COL5A1: variants seen among roughly 807,000 people sequenced by gnomAD.
COL5A1 encodes the protein collagen type V alpha 1 chain, also known as collagen alpha-1(V) chain.
Under a neutral mutation model 263.7 loss-of-function variants are expected in COL5A1, and 16 were observed. That is an observed-to-expected ratio of 0.06 (90% CI 0.04 to 0.09). The LOEUF is 0.09. Ranked by LOEUF, COL5A1 falls within the 10% of genes least tolerant of loss-of-function variation. COL5A1 has a pLI of 1.00. For synonymous variants in COL5A1, 1,012 were observed against 1,004.5 expected (o/e 1.01, Z -0.14); for missense variants, 2,036 against 2,540.5 (o/e 0.80, Z 4.27).
chr9:134,783,641 T>G (rs1317947570), intron 29 of COL5A1, among the ~76,000 whole-genome samples: 3 of 152,134 alleles, frequency 2.0e-5, no homozygotes, highest in African/African-American at 7.2e-5. Context: ...GTCATCCCCC[T>G]GCAGCACCGG....
intron 4 of COL5A1, among the ~76,000 whole-genome samples, chr9:134,705,608 G>A (rs944486039): frequency 2.0e-5 from 3 of 152,244 alleles, no homozygotes; most frequent in Non-Finnish European, 2.9e-5. Context: ...CAACGCTGTC[G>A]GATTTTGGGT....
intron 11 of COL5A1, 57 bp downstream of exon 11, chr9:134,738,865 C>A: frequency 7.2e-7 from 1 of 1,382,358 alleles, no homozygotes; most frequent in Non-Finnish European, 1.0e-6. Context: ...GCCCACGCCT[C>A]CTCTCCACAC....
chr9:134,663,090 C>A (rs1832257824), intron 1 of COL5A1, among the ~76,000 whole-genome samples: 1 of 152,236 alleles, frequency 6.6e-6, no homozygotes, highest in Non-Finnish European at 1.5e-5. Context: ...AGACCATGTT[C>A]TCAAAATGAA....
In COL5A1 at chr9:134,754,324, C is replaced by G; in HGVS notation, c.1825C>G (p.Arg609Gly). ...TGGTCCGGCCGGGAAGCCCGGAAGA[C>G]GGGTGAGTGGTGCGAGTGTGTGTGG... ...PPGPAGKPGR[R>G]GRAGSDGARG... The change falls in exon 16 of 66, where the codon CGG becomes GGG. Residue 609 changes from arginine (R) to glycine (G), a missense_variant and splice_region_variant. Around this residue, in one of 3 missense-constraint regions of COL5A1, gnomAD observed 1,078 missense variants for 1,521.4 expected, o/e 0.71. Coordinates refer to ENST00000371817, the MANE Select transcript of COL5A1 (RefSeq NM_000093.5). The surrounding 1 kb of genome is among the most constrained non-coding windows in gnomAD (Gnocchi z 4.3). 6.2e-7 allele frequency: 1 copy of G among 1,614,036 alleles called. No individual in the cohort carries two copies.
In COL5A1 at chr9:134,767,029, A is replaced by G; in HGVS notation, c.2163A>G (p.Gly721=). Residue 721 remains glycine (G), a synonymous_variant, in exon 23 of 66, where the codon GGA becomes GGG. Coordinates refer to ENST00000371817, the MANE Select transcript of COL5A1 (RefSeq NM_000093.5). Reference sequence around the variant, plus strand: ...CCCAGGGAGAGCCTGGCCCCCCAGGACAGCAGGGTAATCCAGGCGCCCAGG... The same window carrying G: ...CCCAGGGAGAGCCTGGCCCCCCAGGGCAGCAGGGTAATCCAGGCGCCCAGG... The part of the protein sequence containing the change: ...VGPQGEPGPP[G]QQGNPGAQGL... 1 of 1,613,726 alleles carries G rather than the reference A, an allele frequency of 6.2e-7. No individual in the cohort carries two copies. Among genetic ancestry groups the G allele is most frequent in the Non-Finnish European group, 8.5e-7 (1 of 1,179,938 alleles).
chr9:134,769,553 C>T (rs557829661), intron 25 of COL5A1, among the ~76,000 whole-genome samples: 2 of 152,350 alleles, frequency 1.3e-5, no homozygotes, highest in South Asian at 4.1e-4. Flanking sequence ...TTGATCTCAT[C>T]TCCTGATTTA....
rs118098812 is a variant in COL5A1, at chr9:134,745,035, T to C, written c.1495-5507T>C. On this transcript the variant is annotated intron_variant, in intron 11 of 65. Transcript: ENST00000371817. Reference sequence around the variant, plus strand: ...TGTGCCCGAATCCCCAGCAGCCTGGTCGTGAATGACTTCTGGCCATTTCGA... The same window carrying C: ...TGTGCCCGAATCCCCAGCAGCCTGGCCGTGAATGACTTCTGGCCATTTCGA... Among the ~76,000 whole-genome samples, 893 of 152,304 alleles carry C rather than the reference T, an allele frequency of 5.9e-3. 3 individuals are homozygous for C. The highest frequency in any genetic ancestry group is 9.3e-3 in the Non-Finnish European group (631 of 68,028).
chr9:134,791,158 C>G (rs914684632), intron 32 of COL5A1, among the ~76,000 whole-genome samples: 1 of 152,222 alleles, frequency 6.6e-6, no homozygotes, highest in African/African-American at 2.4e-5. Flanking sequence ...GCACCACATG[C>G]CCCAGTCACA....
At chr9:134,826,727 TGGGTGTGTACATGGTGTTC>T (rs1839287259) in intron 63 of COL5A1, among the ~76,000 whole-genome samples, 1 of 148,718 alleles carries the variant, frequency 6.7e-6, no homozygotes, top group Non-Finnish European at 1.5e-5. Flanking sequence ...GGGTGGTGTG[TGGGTGTGTACATGGTGTTC>T]GGGTGTGTGT....
At chr9:134,730,202 C>T (rs1834826743) in intron 6 of COL5A1, 34 bp from the exon 7 acceptor site, 11 of 1,610,652 alleles carry the variant, frequency 6.8e-6, no homozygotes, top group Admixed American at 1.7e-5. Context: ...CGGCCTCCGC[C>T]CTGACTCCAG....
chr9:134,657,566 T>G (rs1337710274), intron 1 of COL5A1, among the ~76,000 whole-genome samples: 1 of 50,142 alleles, frequency 2.0e-5, no homozygotes. Flanking sequence ...GGGGGTGGTG[T>G]AGGGGGTGTA....
intron 4 of COL5A1, among the ~76,000 whole-genome samples, chr9:134,704,496 C>T (rs993972120): frequency 6.6e-6 from 1 of 152,216 alleles, no homozygotes; most frequent in Non-Finnish European, 1.5e-5. Flanking sequence ...GTGCAGGTCT[C>T]ACTCTGCAGC....
rs570292090 is a variant in COL5A1 at position 134,765,842 on chromosome 9, C to G, written c.2088+108C>G. 21 of 870,776 alleles carry G rather than the reference C, an allele frequency of 2.4e-5. 1 individual carries two copies. Among genetic ancestry groups the G allele is most frequent in the South Asian group, 1.1e-4 (7 of 61,954 alleles). 53.9% of individuals were successfully genotyped at this position (870,776 alleles called of 1,614,324 possible). Reference sequence around the variant, plus strand: ...TGGGGCAGCAAGTCCGTGCTGGCCCCTCTGGCGCCTGCCTGCTGCCAGTGT... The same window carrying G: ...TGGGGCAGCAAGTCCGTGCTGGCCCGTCTGGCGCCTGCCTGCTGCCAGTGT... On this transcript the variant is annotated intron_variant, in intron 21 of 65. Coordinates refer to ENST00000371817, the MANE Select transcript of COL5A1 (RefSeq NM_000093.5). This position sits in a 1 kb window ranked among gnomAD's most constrained non-coding sequence, Gnocchi z 5.1.
rs5901049 is a variant in COL5A1 at position 134,687,415 on chromosome 9, T to TCATCCATCCATC, written c.110-3464_110-3453dup. ...AGGACACCTGCTATTCTCTGGGACT[T>TCATCCATCCATC]CATCCATCCATCCATCCATCCATCC... On this transcript the variant is annotated intron_variant, in intron 1 of 65. Transcript: ENST00000371817. Among the ~76,000 whole-genome samples, 5 of 147,830 alleles carry TCATCCATCCATC rather than the reference T, an allele frequency of 3.4e-5. No homozygotes were observed. The East Asian group carries it at 6.1e-4, about 18-fold the overall frequency.
intron 27 of COL5A1, among the ~76,000 whole-genome samples, chr9:134,775,866 C>T (rs1837033874): frequency 6.6e-6 from 1 of 152,196 alleles, no homozygotes; most frequent in African/African-American, 2.4e-5. Flanking sequence ...AACATTGTTG[C>T]ACATCAGAAG....
intron 2 of COL5A1, chr9:134,691,755 C>G (rs1378604891): frequency 6.5e-6 from 1 of 153,078 alleles, no homozygotes; most frequent in Admixed American, 6.5e-5. Context: ...GACCCAGCCA[C>G]TTGCTCATGG....
At position 134,642,250 on chromosome 9, in the gene COL5A1, C is replaced by A; in HGVS notation, c.63C>A (p.Pro21=). 6 of 1,278,594 alleles carry A rather than the reference C, an allele frequency of 4.7e-6. No individual in the cohort carries two copies. Among genetic ancestry groups the A allele is most frequent in the South Asian group, 2.4e-5 (1 of 41,418 alleles). The allele number at this position is 1,278,594 out of a possible 1,614,324, so 79.2% of individuals were successfully genotyped here. ...TCCGCCCGGGCGCCCCGCTGCTGCCCCCGCTGCTGCTGCTGCTGCTGTGGG... is the reference window on the plus strand; with the variant it reads ...TCCGCCCGGGCGCCCCGCTGCTGCCACCGCTGCTGCTGCTGCTGCTGTGGG... The part of the protein sequence containing the change: ...SALRPGAPLL[P]PLLLLLLWAP... Residue 21 remains proline, a synonymous_variant, in exon 1 of 66, where the codon CCC becomes CCA. Coordinates refer to ENST00000371817, the MANE Select transcript of COL5A1 (RefSeq NM_000093.5). The surrounding 1 kb of genome is among the most constrained non-coding windows in gnomAD (Gnocchi z 4.5).
At chr9:134,727,864 G>T (rs988334151) in intron 5 of COL5A1, among the ~76,000 whole-genome samples, 30 of 152,144 alleles carry the variant, frequency 2.0e-4, no homozygotes, top group Non-Finnish European at 5.9e-5. Flanking sequence ...TGACACCTTT[G>T]TCCCTCTTCC....
rs1588488564 is a variant in COL5A1 at position 134,738,734 on chromosome 9, T to A, written c.1432-12T>A. The A allele has an allele frequency of 6.2e-7, 1 of 1,611,708 alleles. No homozygotes were observed. Among genetic ancestry groups the A allele is most frequent in the East Asian group, 2.2e-5 (1 of 44,842 alleles). On this transcript the variant is annotated splice_polypyrimidine_tract_variant and intron_variant, in intron 10 of 65. Coordinates refer to ENST00000371817, the MANE Select transcript of COL5A1 (RefSeq NM_000093.5). ...CATCTTCTAACTGCCCCAACTTTAT[T>A]TTTAATTCTAGGGTCTTCCCGGACC...
Sources: allele counts gnomAD v4.1 joint callset (sites outside exome capture counted in the v4.1 genomes callset), GRCh38; gene constraint gnomAD v4.1.1; regional missense constraint gnomAD v4.1.1; non-coding constraint Gnocchi (gnomAD v3.1); transcripts MANE v1.5; gene names NCBI Gene and HGNC (gene_info 2026-07-23, HGNC 2026-07-21).